PML: variants seen among roughly 807,000 people sequenced by gnomAD.
The protein encoded by PML is PML nuclear body scaffold.
A neutral mutation model predicts 65.2 loss-of-function variants in PML; 28 were observed. The observed-to-expected ratio is 0.43, with a 90% confidence interval of 0.32 to 0.59. The LOEUF is 0.59. Ranked by LOEUF, PML falls within the 20% of genes least tolerant of loss-of-function variation. The probability of loss-of-function intolerance (pLI) is 0.08; values close to 1 mark genes in which losing one functional copy is unlikely to be tolerated. For synonymous variants in PML, 500 were observed against 508.8 expected (o/e 0.98, Z 0.23); for missense variants, 1,021 against 1,203.4 (o/e 0.85, Z 2.24).
In PML at chr15:74,042,354, T is replaced by G. The variant is rs1009906559; in HGVS notation, c.1711-635T>G. ...GGCCTTCAGGAGGCCAAGCAGTCCT[T>G]CCCCTCGCCTTTGTGTAGGACACTG... On this transcript the variant is annotated intron_variant, in intron 7 of 8. Coordinates refer to ENST00000268058, the MANE Select transcript of PML (RefSeq NM_033238.3). This position sits in a 1 kb window ranked among gnomAD's most constrained non-coding sequence, Gnocchi z 5.3. The G allele has an allele frequency of 2.0e-6, 2 of 985,386 alleles. No individual in the cohort carries two copies. The highest frequency in any genetic ancestry group is 9.4e-5 in the South Asian group (2 of 21,288). 61.0% of individuals were successfully genotyped at this position (985,386 alleles called of 1,614,324 possible). A position where few individuals can be genotyped will look rare whatever the true frequency, so the allele number is the denominator to read the frequency against.
At chr15:74,018,910 C>T (rs2070715642) in intron 2 of PML, among the ~76,000 whole-genome samples, 1 of 152,236 alleles carries the variant, frequency 6.6e-6, no homozygotes, top group African/African-American at 2.4e-5. Flanking sequence ...TGGGCAGTTT[C>T]CCACTTCACC....
At chr15:74,015,136 TC>T (rs1164411583) in intron 2 of PML, among the ~76,000 whole-genome samples, 1 of 152,174 alleles carries the variant, frequency 6.6e-6, no homozygotes, top group Non-Finnish European at 1.5e-5. Context: ...CCTCAGGCTT[TC>T]CCCTCTCCAA....
intron 7 of PML, among the ~76,000 whole-genome samples, chr15:74,039,141 C>T (rs2071641401): frequency 6.6e-6 from 1 of 152,156 alleles, no homozygotes; most frequent in African/African-American, 2.4e-5. Context: ...GCAGAAGTGG[C>T]AGTGGTGACG....
At chr15:74,032,399 G>A in intron 4 of PML, 173 bp from the exon 5 acceptor site, 1 of 675,844 alleles carries the variant, frequency 1.5e-6, no homozygotes, top group Admixed American at 2.7e-5. Context: ...AGGAGGTGAT[G>A]TGATGGAGAG....
rs778010587 is a variant in PML at position 74,044,809 on chromosome 15, AG to A, written c.2456del (p.Gly819AlafsTer2). 1 of 1,613,132 alleles carries A rather than the reference AG, an allele frequency of 6.2e-7. No individual in the cohort carries two copies. Among genetic ancestry groups the A allele is most frequent in the Non-Finnish European group, 8.5e-7 (1 of 1,180,028 alleles). ...CTGAGTGCACACCGCCGTGACCGGC[AG>A]GGGGGCCTGAAGAAGTACAGCCGCT... The part of the protein sequence containing the change: ...ELLSAHRRDR[Q>X]GGLKKYSRYL... On this transcript the variant is annotated frameshift_variant, in exon 9 of 9. Transcript: ENST00000268058. LOFTEE classifies it low-confidence loss of function (END_TRUNC).
rs1020491808 is a variant in PML at position 74,023,040 on chromosome 15, G to A, written c.815G>A (p.Arg272His). Reference sequence around the variant, plus strand: ...GCCGTCGGCCAGCTGGGCCGCGCGCGTGCCGAGACCGAGGAGCTGATCCGC... The same window carrying A: ...GCCGTCGGCCAGCTGGGCCGCGCGCATGCCGAGACCGAGGAGCTGATCCGC... ...HAAVGQLGRA[R>H]AETEELIRER... Residue 272 changes from arginine (R) to histidine (H), a missense_variant, in exon 3 of 9, where the codon CGT becomes CAT. Physicochemically the swap from Arg to His is conservative, Grantham distance 29 (BLOSUM62 0). Coordinates refer to ENST00000268058, the MANE Select transcript of PML (RefSeq NM_033238.3). 2.9e-5 allele frequency: 46 copies of A among 1,604,644 alleles called. No homozygotes were observed. Among genetic ancestry groups the A allele is most frequent in the Non-Finnish European group, 3.7e-5 (44 of 1,178,276 alleles).
chr15:74,018,179 C>T (rs2070678830), intron 2 of PML, among the ~76,000 whole-genome samples: 1 of 151,828 alleles, frequency 6.6e-6, no homozygotes, highest in African/African-American at 2.4e-5. Context: ...AAAAATTAGC[C>T]AGGCATGGTG....
intron 2 of PML, among the ~76,000 whole-genome samples, chr15:74,015,172 A>G (rs976643067): frequency 6.6e-6 from 1 of 152,138 alleles, no homozygotes; most frequent in African/African-American, 2.4e-5. Context: ...CCAATAAATC[A>G]CTGGAGGGGA....
At position 73,999,859 on chromosome 15, in the gene PML, G is replaced by A. The variant is rs188367512; in HGVS notation, c.602+1383G>A. On this transcript the variant is annotated intron_variant, in intron 2 of 8. Transcript: ENST00000268058. ...ATTTTTTTTTTTTTTTTTTGAGATG[G>A]AGTCTCGCTGTGTCACCCAGGCTGG... Among the ~76,000 whole-genome samples, 280 of 146,044 alleles carry A rather than the reference G, an allele frequency of 1.9e-3. 1 individual carries two copies. Among genetic ancestry groups the A allele is most frequent in the African/African-American group, 5.5e-3 (217 of 39,284 alleles).
intron 2 of PML, among the ~76,000 whole-genome samples, chr15:74,002,787 C>T (rs2069840760): frequency 6.6e-6 from 1 of 152,002 alleles, no homozygotes; most frequent in Non-Finnish European, 1.5e-5. Flanking sequence ...TTCTGTTTCA[C>T]CAGTTCTCTA....
At position 74,032,731 on chromosome 15, in the gene PML, G is replaced by A; in HGVS notation, c.1398+16G>A. On this transcript the variant is annotated intron_variant, in intron 5 of 8. Coordinates refer to ENST00000268058, the MANE Select transcript of PML (RefSeq NM_033238.3). ...CTATGGAGAGGTAAGGTTCTCCCCAGCCCCAGCCTTCCCTCCTGAAGGCCT... is the reference window on the plus strand; with the variant it reads ...CTATGGAGAGGTAAGGTTCTCCCCAACCCCAGCCTTCCCTCCTGAAGGCCT... The A allele has an allele frequency of 6.2e-7, 1 of 1,614,022 alleles. No individual in the cohort carries two copies. Among genetic ancestry groups the A allele is most frequent in the Middle Eastern group, 1.7e-4 (1 of 6,054 alleles).
At chr15:74,020,772 C>T (rs1225233491) in intron 2 of PML, among the ~76,000 whole-genome samples, 1 of 152,168 alleles carries the variant, frequency 6.6e-6, no homozygotes, top group Non-Finnish European at 1.5e-5. Context: ...CCTTTCCCAG[C>T]TTCTAGAGGC....
chr15:74,032,843 C>T (rs548664979), intron 5 of PML, 128 bp downstream of exon 5: 17 of 985,728 alleles, frequency 1.7e-5, no homozygotes, highest in Admixed American at 9.6e-5. Context: ...GTTTGCTCAA[C>T]GCCTTCTCTG....
intron 2 of PML, among the ~76,000 whole-genome samples, chr15:74,019,462 A>G (rs2141820859): frequency 6.6e-6 from 1 of 152,378 alleles, no homozygotes; most frequent in East Asian, 1.9e-4. Context: ...AAAAAGGAAT[A>G]CATTCATACA....
chr15:74,039,741 G>C (rs1213789329), intron 7 of PML, among the ~76,000 whole-genome samples: 1 of 152,210 alleles, frequency 6.6e-6, no homozygotes, highest in Non-Finnish European at 1.5e-5. Flanking sequence ...AAGAACCACT[G>C]AATCGGGGGA....
Position 74,013,401 on chromosome 15 carries a change from G to C in PML, c.603-9427G>C, listed in dbSNP as rs550510628. Reference sequence around the variant, plus strand: ...TTAGAACCACCATATACATTCACTTGATACATATTTTTATAAAAGTGCTTG... The same window carrying C: ...TTAGAACCACCATATACATTCACTTCATACATATTTTTATAAAAGTGCTTG... On this transcript the variant is annotated intron_variant, in intron 2 of 8. Coordinates refer to ENST00000268058, the MANE Select transcript of PML (RefSeq NM_033238.3). Among the ~76,000 whole-genome samples the C allele has an allele frequency of 3.3e-5, 5 of 152,260 alleles. No homozygotes were observed. In the South Asian group the frequency reaches 1.0e-3, roughly 32 times the overall value.
chr15:74,023,927 G>A (rs780249304), intron 3 of PML, among the ~76,000 whole-genome samples: 11 of 152,158 alleles, frequency 7.2e-5, no homozygotes, highest in East Asian at 1.9e-4. Flanking sequence ...CAACCTTTGC[G>A]CGCCCTGCCT....
intron 2 of PML, among the ~76,000 whole-genome samples, chr15:74,006,331 C>T (rs571255554): frequency 7.2e-6 from 1 of 138,828 alleles, no homozygotes; most frequent in South Asian, 2.2e-4. Flanking sequence ...GTGGAGGCTG[C>T]AGTGAGCTGA....
rs2070926440 is a variant in PML at position 74,023,282 on chromosome 15, C to T, written c.1057C>T (p.Arg353Cys). The T allele has an allele frequency of 6.2e-7, 1 of 1,610,250 alleles. No individual in the cohort carries two copies. The change falls in exon 3 of 9, where the codon CGC (arginine) becomes TGC (cysteine). Residue 353 changes from arginine (R) to cysteine (C), a missense_variant. Transcript: ENST00000268058. ...GGTGCTGGACATGCACGGTTTCCTG[C>T]GCCAGGCGCTCTGCCGCCTGCGCCA... ...QEVLDMHGFL[R>C]QALCRLRQEE...
Sources: gnomAD v4.1 joint callset for allele counts (sites outside exome capture counted in the v4.1 genomes callset) on GRCh38, gnomAD v4.1.1 for gene constraint, Gnocchi (gnomAD v3.1) non-coding constraint, MANE v1.5 for transcripts, NCBI Gene and HGNC (gene_info 2026-07-23, HGNC 2026-07-21) for gene names.